The following SEC24B variants were observed in gnomAD, a reference collection of about 807,000 sequenced individuals.
SEC24B encodes protein transport protein Sec24B.
A neutral mutation model predicts 142.8 loss-of-function variants in SEC24B; 45 were observed. The ratio of observed to expected loss-of-function variants is 0.32; its 90% CI spans 0.25 to 0.40. SEC24B has a LOEUF of 0.40. Among genes scored for constraint, SEC24B ranks in the 10% least tolerant of loss-of-function variants. The pLI is 1.00. For missense variants in SEC24B, 1,409 were observed against 1,526.8 expected (o/e 0.92, Z 1.29); for synonymous variants, 574 against 568.2 (o/e 1.01, Z -0.15).
intron 3 of SEC24B, among the ~76,000 whole-genome samples, chr4:109,475,456 C>A (rs983975679): frequency 3.3e-5 from 5 of 152,108 alleles, no homozygotes; most frequent in Admixed American, 2.0e-4. Context: ...TTCAAAGACA[C>A]CGTTGCTTAG....
chr4:109,532,644 A>G lies in SEC24B; in HGVS notation c.3396A>G (p.Ala1132=). ...TTCTCTCTTTTTCTTTTCAGGGTGC[A>G]GTACATGTTAATGACAGGATTGTAC... ...YRIDRLTDEG[A]VHVNDRIVPQ... is the part of the protein sequence containing the mutation. The change falls in exon 21 of 24, where the codon GCA becomes GCG. Residue 1132 remains alanine (A), a synonymous_variant. Transcript: ENST00000265175. 1 of 1,611,612 alleles carries G rather than the reference A, an allele frequency of 6.2e-7. No individual in the cohort carries two copies.
At chr4:109,527,473 A>G (rs762136216) in intron 18 of SEC24B, 41 bp downstream of exon 18, 48 of 1,453,882 alleles carry the variant, frequency 3.3e-5, no homozygotes, top group Non-Finnish European at 4.2e-5. Context: ...GTATTTTTCT[A>G]TCTTAAAAAC....
chr4:109,470,586 T>C (rs1732410249), intron 2 of SEC24B, among the ~76,000 whole-genome samples: 1 of 152,232 alleles, frequency 6.6e-6, no homozygotes, highest in African/African-American at 2.4e-5. Context: ...ATTTGAGCTG[T>C]GGCACCTATG....
At chr4:109,509,632 G>C (rs1252257173) in intron 7 of SEC24B, among the ~76,000 whole-genome samples, 1 of 149,836 alleles carries the variant, frequency 6.7e-6, no homozygotes, top group African/African-American at 2.5e-5. Context: ...AGCCGAGATC[G>C]GGCTGCTGCA....
At chr4:109,491,516 G>GA (rs932561628) in intron 5 of SEC24B, 109 bp downstream of exon 5, 4 of 760,146 alleles carry the variant, frequency 5.3e-6, no homozygotes, top group East Asian at 5.5e-5. Flanking sequence ...TTTTTAACAA[G>GA]AAAAAAAGGA....
rs1724927898 is a variant in SEC24B, at chr4:109,531,505, G to A, written c.3373G>A (p.Asp1125Asn). 6.2e-7 allele frequency: 1 copy of A among 1,607,304 alleles called. No individual in the cohort carries two copies. The highest frequency in any genetic ancestry group is 8.5e-7 in the Non-Finnish European group (1 of 1,174,478). ...GATTCATCCCAACTTATACAGGATA[G>A]ACAGATTGACAGATGAGGTATGTAT... ...KMIHPNLYRI[D>N]RLTDEGAVHV... Residue 1125 changes from aspartate to asparagine, a missense_variant, in exon 20 of 24, where the codon GAC becomes AAC. By Grantham distance (23) the Asp-to-Asn change is conservative. Coordinates refer to ENST00000265175, the MANE Select transcript of SEC24B (RefSeq NM_006323.5).
rs1561192455 is a variant in SEC24B at position 109,534,278 on chromosome 4, G to GT, written c.3588+593_3588+594insT. Among the ~76,000 whole-genome samples the GT allele has an allele frequency of 9.8e-4, 124 of 126,862 alleles. 1 individual carries two copies. The highest frequency in any genetic ancestry group is 5.8e-3 in the African/African-American group (120 of 20,864). The allele number at this position is 126,862 out of a possible 152,430, so 83.2% of individuals were successfully genotyped here. On this transcript the variant is annotated intron_variant, in intron 22 of 23. Transcript: ENST00000265175. The stretch of plus-strand genomic sequence containing the variant: ...GCAGATCACTAGAAGAAATATTTGT[G>GT]GTTTTTTTTTTTATACTATTAAAAT...
At chr4:109,467,243 G>A (rs1375229369) in intron 2 of SEC24B, among the ~76,000 whole-genome samples, 10 of 149,630 alleles carry the variant, frequency 6.7e-5, no homozygotes, top group Middle Eastern at 3.4e-3. Context: ...GGAGAATGGC[G>A]TGAACCCGGG....
intron 11 of SEC24B, among the ~76,000 whole-genome samples, 163 bp downstream of exon 11, chr4:109,516,803 T>TA (rs1207532749): frequency 6.6e-6 from 1 of 152,216 alleles, no homozygotes; most frequent in Non-Finnish European, 1.5e-5. Flanking sequence ...ATACTCGAGT[T>TA]ATGATTTATG....
At chr4:109,522,556 G>GT (rs1453931736) in intron 14 of SEC24B, among the ~76,000 whole-genome samples, 1 of 152,156 alleles carries the variant, frequency 6.6e-6, no homozygotes, top group Admixed American at 6.5e-5. Context: ...TTTCTATTAC[G>GT]TAAGTGGTAA....
At chr4:109,489,312 T>C (rs542118867) in intron 4 of SEC24B, among the ~76,000 whole-genome samples, 15 of 152,056 alleles carry the variant, frequency 9.9e-5, no homozygotes, top group Non-Finnish European at 2.1e-4. Flanking sequence ...TGGATATGTC[T>C]AGTTGTTCCA....
At chr4:109,523,118 A>G (rs1232552219) in intron 14 of SEC24B, among the ~76,000 whole-genome samples, 1 of 152,086 alleles carries the variant, frequency 6.6e-6, no homozygotes, top group Non-Finnish European at 1.5e-5. Flanking sequence ...CTAGAGGATC[A>G]TTTGAGCTTA....
chr4:109,506,734 A>G (rs1180801349), intron 7 of SEC24B, among the ~76,000 whole-genome samples: 1 of 152,128 alleles, frequency 6.6e-6, no homozygotes, highest in Non-Finnish European at 1.5e-5. Context: ...ATGTTAGGGA[A>G]ATTATTTCTA....
intron 1 of SEC24B, among the ~76,000 whole-genome samples, chr4:109,454,553 A>C (rs1049619805): frequency 7.3e-5 from 11 of 151,372 alleles, no homozygotes; most frequent in Non-Finnish European, 1.6e-4. Flanking sequence ...AAAAAAAAAG[A>C]AAGAAAAATA....
intron 6 of SEC24B, among the ~76,000 whole-genome samples, chr4:109,496,519 T>C (rs1475738981): frequency 1.3e-5 from 2 of 152,014 alleles, no homozygotes; most frequent in African/African-American, 4.8e-5. Context: ...AAATGAGAAA[T>C]AGGATAATCA....
intron 2 of SEC24B, among the ~76,000 whole-genome samples, chr4:109,468,257 T>G (rs1268201426): frequency 6.6e-6 from 1 of 152,252 alleles, no homozygotes; most frequent in Non-Finnish European, 1.5e-5. Flanking sequence ...CCTCACATAC[T>G]TATTCCTTCA....
chr4:109,475,261 G>A (rs1732989264), intron 3 of SEC24B, among the ~76,000 whole-genome samples: 2 of 152,136 alleles, frequency 1.3e-5, no homozygotes, highest in Admixed American at 1.3e-4. Context: ...TTTGTCTTTG[G>A]AGAGATCTGA....
At chr4:109,470,772 T>C (rs1732436281) in intron 2 of SEC24B, among the ~76,000 whole-genome samples, 1 of 152,070 alleles carries the variant, frequency 6.6e-6, no homozygotes, top group South Asian at 2.1e-4. Flanking sequence ...GCAGTGAAAA[T>C]GAAGTAGAGC....
intron 2 of SEC24B, 96 bp downstream of exon 2, chr4:109,463,740 A>G: frequency 6.7e-7 from 1 of 1,494,686 alleles, no homozygotes; most frequent in Non-Finnish European, 8.9e-7. Context: ...GATATTGCCT[A>G]ATAGAAAAAC....
Sources: allele counts gnomAD v4.1 joint callset (sites outside exome capture counted in the v4.1 genomes callset), GRCh38; gene constraint gnomAD v4.1.1; transcripts MANE v1.5; gene names NCBI Gene and HGNC (gene_info 2026-07-23, HGNC 2026-07-21).